TMEM178B: variants seen among roughly 807,000 people sequenced by gnomAD.
The protein encoded by TMEM178B is transmembrane protein 178B.
TMEM178B carries 5 observed loss-of-function variants against 31.0 expected under a neutral mutation model. The ratio of observed to expected loss-of-function variants is 0.16; its 90% CI spans 0.08 to 0.34. The LOEUF (loss-of-function observed/expected upper bound fraction) is 0.34. Among genes scored for constraint, TMEM178B ranks in the 10% least tolerant of loss-of-function variants. The probability of loss-of-function intolerance (pLI) is 1.00; values close to 1 mark genes in which losing one functional copy is unlikely to be tolerated. For synonymous variants in TMEM178B, 164 were observed against 164.0 expected (o/e 1.00, Z 0.00); for missense variants, 275 against 400.3 (o/e 0.69, Z 2.67).
At chr7:141,354,836 T>C (rs1799791528) in intron 2 of TMEM178B, among the ~76,000 whole-genome samples, 2 of 152,232 alleles carry the variant, frequency 1.3e-5, no homozygotes, top group South Asian at 4.1e-4. Flanking sequence ...AGTTTCTCTC[T>C]TTCCTTTCAT....
intron 2 of TMEM178B, among the ~76,000 whole-genome samples, chr7:141,312,623 G>A (rs1210260959): frequency 6.6e-6 from 1 of 152,146 alleles, no homozygotes; most frequent in Non-Finnish European, 1.5e-5. Context: ...TATTCAACTC[G>A]CAAAGTCAAT....
At chr7:141,296,120 T>A (rs1041484168) in intron 2 of TMEM178B, among the ~76,000 whole-genome samples, 1 of 151,596 alleles carries the variant, frequency 6.6e-6, no homozygotes, top group Non-Finnish European at 1.5e-5. Context: ...CAGGCTGGAG[T>A]GCAATAGTGC....
chr7:141,333,857 A>G (rs1007050402), intron 2 of TMEM178B, among the ~76,000 whole-genome samples: 18 of 152,210 alleles, frequency 1.2e-4, no homozygotes, highest in Non-Finnish European at 2.1e-4. Context: ...GATCCCTTCC[A>G]TGTGCGGTTC....
rs533701513 is a variant in TMEM178B, at chr7:141,242,025, A to G, written c.496+29321A>G. On this transcript the variant is annotated intron_variant, in intron 2 of 3. Transcript: ENST00000565468. ...TTTTATAGAGTCCATAAAACTGACA[A>G]TTGAAAATGTGAATGCACATATCCA... Among the ~76,000 whole-genome samples the G allele has an allele frequency of 2.6e-5, 4 of 152,346 alleles. No homozygotes were observed. The East Asian group carries it at 5.8e-4, about 22-fold the overall frequency.
intron 1 of TMEM178B, among the ~76,000 whole-genome samples, chr7:141,101,380 T>A (rs1378024927): frequency 2.0e-5 from 3 of 152,238 alleles, no homozygotes; most frequent in Admixed American, 6.5e-5. Flanking sequence ...TTGCCTATGG[T>A]CATGTGGTAA....
rs548959174 is a variant in TMEM178B at position 141,130,000 on chromosome 7, T to C, written c.382+55308T>C. Among the ~76,000 whole-genome samples, 26 of 152,320 alleles carry C rather than the reference T, an allele frequency of 1.7e-4. No individual in the cohort carries two copies. The South Asian group carries it at 3.9e-3, about 23-fold the overall frequency. On this transcript the variant is annotated intron_variant, in intron 1 of 3. Transcript: ENST00000565468. ...GTTTCTTTTGAAGTTTCAAGTCTCA[T>C]AGTGGCTGCCCTTAAAGACAATAGA... is the stretch of plus-strand genomic sequence containing the variant.
intron 2 of TMEM178B, among the ~76,000 whole-genome samples, chr7:141,241,327 C>G (rs1315714766): frequency 6.6e-6 from 1 of 151,980 alleles, no homozygotes; most frequent in Non-Finnish European, 1.5e-5. Flanking sequence ...CGCGGTGGCT[C>G]ACGCCTGTAA....
In TMEM178B at chr7:141,321,805, T is replaced by C. The variant is rs183115277; in HGVS notation, c.496+109101T>C. On this transcript the variant is annotated intron_variant, in intron 2 of 3. Transcript: ENST00000565468. ...GATGCCCAGGCCCTGCCCTGGAGTTTCTGATCTACTTGTCCAACATTAAAA... is the reference window on the plus strand; with the variant it reads ...GATGCCCAGGCCCTGCCCTGGAGTTCCTGATCTACTTGTCCAACATTAAAA... 4.1e-5 allele frequency among the ~76,000 whole-genome samples: 6 copies of C among 148,106 alleles called. No homozygotes were observed. In the East Asian group the frequency reaches 1.2e-3, roughly 30 times the overall value.
chr7:141,123,694 T>C (rs1795444807), intron 1 of TMEM178B, among the ~76,000 whole-genome samples: 1 of 152,180 alleles, frequency 6.6e-6, no homozygotes, highest in Admixed American at 6.5e-5. Flanking sequence ...TCTTGGCTGA[T>C]ATACATGCTA....
chr7:141,142,102 A>G (rs1795778600), intron 1 of TMEM178B, among the ~76,000 whole-genome samples: 1 of 152,098 alleles, frequency 6.6e-6, no homozygotes, highest in Non-Finnish European at 1.5e-5. Flanking sequence ...CCTTATGTCC[A>G]TGAGTACCCA....
intron 3 of TMEM178B, among the ~76,000 whole-genome samples, chr7:141,446,354 C>T (rs1020182952): frequency 3.3e-5 from 5 of 152,226 alleles, no homozygotes; most frequent in Admixed American, 6.5e-5. Context: ...CCCCATCACT[C>T]GCCTGCCAAG....
At chr7:141,229,505 C>T (rs113708195) in intron 2 of TMEM178B, among the ~76,000 whole-genome samples, 68 of 152,132 alleles carry the variant, frequency 4.5e-4, no homozygotes, top group Middle Eastern at 3.4e-3. Context: ...TTTTCTCTTG[C>T]GTTTTCCATC....
At chr7:141,510,794 C>A in the TMEM178B span, among the ~76,000 whole-genome samples, 1 of 151,102 alleles carries the variant, frequency 6.6e-6, no homozygotes, top group Non-Finnish European at 1.5e-5. Flanking sequence ...TCCAAAGCTT[C>A]CAAGAGGCAG....
intron 2 of TMEM178B, among the ~76,000 whole-genome samples, chr7:141,221,211 G>A (rs1159415973): frequency 6.6e-6 from 1 of 152,228 alleles, no homozygotes; most frequent in East Asian, 1.9e-4. Context: ...TCCTCTAGGG[G>A]AACTGTCCCA....
rs373868222 is a variant in TMEM178B, at chr7:141,326,993, A to G, written c.497-110615A>G. On this transcript the variant is annotated intron_variant, in intron 2 of 3. Transcript: ENST00000565468. ...GCCATGTGTTGTTGGTGACTACTGT[A>G]TTGAGCCATGCAACTCTAGATCAAA... is the stretch of plus-strand genomic sequence containing the variant. Among the ~76,000 whole-genome samples, 11 of 152,302 alleles carry G rather than the reference A, an allele frequency of 7.2e-5. No homozygotes were observed. The East Asian group carries it at 1.7e-3, about 24-fold the overall frequency.
chr7:141,186,113 A>C (rs1796605876), intron 1 of TMEM178B, among the ~76,000 whole-genome samples: 2 of 152,032 alleles, frequency 1.3e-5, no homozygotes, highest in Non-Finnish European at 2.9e-5. Flanking sequence ...AGGGGTGTGT[A>C]TGTGTTAGGG....
At chr7:141,396,791 G>A (rs1381893827) in intron 2 of TMEM178B, among the ~76,000 whole-genome samples, 3 of 152,192 alleles carry the variant, frequency 2.0e-5, no homozygotes, top group African/African-American at 7.2e-5. Flanking sequence ...GGTCAGCATT[G>A]CAGAGTGGAA....
intron 2 of TMEM178B, among the ~76,000 whole-genome samples, chr7:141,218,647 C>G (rs1372132571): frequency 6.6e-6 from 1 of 152,032 alleles, no homozygotes; most frequent in East Asian, 1.9e-4. Flanking sequence ...TAAGCCCAAC[C>G]CGGCCCCCCA....
At chr7:141,082,105 C>T (rs891797856) in intron 1 of TMEM178B, among the ~76,000 whole-genome samples, 1 of 152,218 alleles carries the variant, frequency 6.6e-6, no homozygotes, top group African/African-American at 2.4e-5. Flanking sequence ...TACTAGGCTA[C>T]ACCATCTAGG....
Sources: allele counts gnomAD v4.1 joint callset (sites outside exome capture counted in the v4.1 genomes callset), GRCh38; gene constraint gnomAD v4.1.1; transcripts MANE v1.5; gene names NCBI Gene and HGNC (gene_info 2026-07-23, HGNC 2026-07-21).